The following MYO6 variants were observed in gnomAD, a reference collection of about 807,000 sequenced individuals.
MYO6 encodes unconventional myosin-VI.
A neutral mutation model predicts 178.7 loss-of-function variants in MYO6; 74 were observed. That is an observed-to-expected ratio of 0.41 (90% CI 0.34 to 0.50). The LOEUF is 0.50. MYO6 is among the 20% of genes least tolerant of loss of function. The probability of loss-of-function intolerance (pLI) is 0.09; values close to 1 mark genes in which losing one functional copy is unlikely to be tolerated. For synonymous variants in MYO6, 477 were observed against 504.6 expected, an observed-to-expected ratio of 0.95 and a Z score of 0.73; for missense variants, 1,330 against 1,547.4, an observed-to-expected ratio of 0.86 and a Z score of 2.36.
intron 16 of MYO6, among the ~76,000 whole-genome samples, chr6:75,866,275 C>CCG (rs1554212776): frequency 8.4e-6 from 1 of 119,138 alleles, no homozygotes; most frequent in Non-Finnish European, 1.9e-5. Context: ...GTCTCTGTCT[C>CCG]TGTGTGTGTG....
intron 1 of MYO6, among the ~76,000 whole-genome samples, chr6:75,792,656 T>C (rs1768365648): frequency 6.6e-6 from 1 of 152,190 alleles, no homozygotes; most frequent in South Asian, 2.1e-4. Flanking sequence ...GGGTATAATA[T>C]GTGAGGAATG....
At chr6:75,905,584 C>T (rs538186660) in intron 30 of MYO6, among the ~76,000 whole-genome samples, 19 of 152,334 alleles carry the variant, frequency 1.2e-4, no homozygotes, top group East Asian at 1.2e-3. Flanking sequence ...GGCTGGCACA[C>T]GGTGCGCGCA....
Position 75,857,063 on chromosome 6 carries a change from A to G in MYO6, c.1224-34A>G, listed in dbSNP as rs1318468078. ...TGGCATTTTCACAGTGCACTATTAT[A>G]AAGAATTTTTACTAGCATAGTTTTC... On this transcript the variant is annotated intron_variant, in intron 12 of 34. Coordinates refer to ENST00000369977, the MANE Select transcript of MYO6 (RefSeq NM_004999.4). The G allele has an allele frequency of 4.3e-6, 7 of 1,609,936 alleles. No homozygotes were observed. In the South Asian group the frequency reaches 6.6e-5, roughly 15 times the overall value.
chr6:75,780,639 T>C (rs1413300960), intron 1 of MYO6, among the ~76,000 whole-genome samples: 2 of 152,128 alleles, frequency 1.3e-5, no homozygotes, highest in South Asian at 2.1e-4. Flanking sequence ...TAACTGAACA[T>C]AGAGCTATGT....
rs536435014 is a variant in MYO6, at chr6:75,853,846, G to A, written c.1079-1293G>A. On this transcript the variant is annotated intron_variant, in intron 11 of 34. Coordinates refer to ENST00000369977, the MANE Select transcript of MYO6 (RefSeq NM_004999.4). ...AAATAAATATAAAGAATAGTTAATC[G>A]TTAGTACTTTCTCTGTACCAGACAC... Among the ~76,000 whole-genome samples the A allele has an allele frequency of 4.6e-5, 7 of 152,070 alleles. No homozygotes were observed. The East Asian group carries it at 7.7e-4, about 17-fold the overall frequency.
chr6:75,790,648 G>C (rs1009849029), intron 1 of MYO6, among the ~76,000 whole-genome samples: 1 of 152,062 alleles, frequency 6.6e-6, no homozygotes, highest in Non-Finnish European at 1.5e-5. Context: ...CAATGTGTTT[G>C]GATTACAGGC....
chr6:75,774,919 G>A (rs555620465), intron 1 of MYO6, among the ~76,000 whole-genome samples: 87 of 151,674 alleles, frequency 5.7e-4, no homozygotes, highest in Admixed American at 5.4e-3. Context: ...TCAGCCTCCC[G>A]AGTAGCTGGG....
chr6:75,791,750 G>A (rs1187436101), intron 1 of MYO6, among the ~76,000 whole-genome samples: 1 of 152,196 alleles, frequency 6.6e-6, no homozygotes, highest in Non-Finnish European at 1.5e-5. Flanking sequence ...ATTTATTTGT[G>A]AACGTTTTAA....
At chr6:75,904,633 A>AT (rs984349131) in intron 30 of MYO6, among the ~76,000 whole-genome samples, 2 of 151,916 alleles carry the variant, frequency 1.3e-5, no homozygotes, top group African/African-American at 2.4e-5. Flanking sequence ...GTTCTTCTAA[A>AT]TTTTTTTCAA....
chr6:75,803,619 A>C (rs1769711813), intron 1 of MYO6, among the ~76,000 whole-genome samples: 1 of 152,154 alleles, frequency 6.6e-6, no homozygotes, highest in Non-Finnish European at 1.5e-5. Flanking sequence ...TTGAAAAAAA[A>C]ATCAAAATTA....
rs1562223279 is a variant in MYO6, at chr6:75,832,891, CATT to C, written c.442_444del (p.Ile148del). Reference sequence around the variant, plus strand: ...AGGTGCTCAAGATGAGTCAGTCTATCATTGTATCTGGAGAATCAGGAGCCGGCA... The same window carrying C: ...AGGTGCTCAAGATGAGTCAGTCTATCGTATCTGGAGAATCAGGAGCCGGCA... On this transcript the variant is annotated inframe_deletion, in exon 6 of 35. Coordinates refer to ENST00000369977, the MANE Select transcript of MYO6 (RefSeq NM_004999.4). The C allele has an allele frequency of 6.2e-7, 1 of 1,613,940 alleles. No homozygotes were observed. The highest frequency in any genetic ancestry group is 8.5e-7 in the Non-Finnish European group (1 of 1,179,986).
intron 1 of MYO6, among the ~76,000 whole-genome samples, chr6:75,776,988 G>A (rs1583038617): frequency 6.6e-6 from 1 of 152,002 alleles, no homozygotes. Flanking sequence ...CATAGTTTAC[G>A]AAACCATTTT....
At chr6:75,874,258 A>G (rs1031481743) in intron 20 of MYO6, among the ~76,000 whole-genome samples, 2 of 152,212 alleles carry the variant, frequency 1.3e-5, no homozygotes, top group Non-Finnish European at 2.9e-5. Context: ...TCACAAAACC[A>G]TAGCTATTGA....
At position 75,864,248 on chromosome 6, in the gene MYO6, G is replaced by T. The variant is rs533197030; in HGVS notation, c.1674+1525G>T. On this transcript the variant is annotated intron_variant, in intron 16 of 34. Coordinates refer to ENST00000369977, the MANE Select transcript of MYO6 (RefSeq NM_004999.4). ...ATGAATCCAGAAACTTAAGTGAATG[G>T]TAACAAGTAGTTTTGTTTCTATTCA... 1.3e-4 allele frequency among the ~76,000 whole-genome samples: 20 copies of T among 152,280 alleles called. No homozygotes were observed. The East Asian group carries it at 3.9e-3, about 29-fold the overall frequency.
chr6:75,889,543 G>C (rs1384271147), intron 25 of MYO6, among the ~76,000 whole-genome samples: 10 of 152,238 alleles, frequency 6.6e-5, no homozygotes, highest in Middle Eastern at 3.4e-3. Flanking sequence ...GAGTAGCTGG[G>C]ACTACAGGTG....
At chr6:75,823,733 G>C (rs963046634) in intron 3 of MYO6, among the ~76,000 whole-genome samples, 1 of 152,356 alleles carries the variant, frequency 6.6e-6, no homozygotes, top group South Asian at 2.1e-4. Flanking sequence ...TAACTGTAGA[G>C]TTAGGCAAGC....
chr6:75,874,571 G>A (rs1385372342), intron 20 of MYO6, among the ~76,000 whole-genome samples: 3 of 152,170 alleles, frequency 2.0e-5, no homozygotes, highest in African/African-American at 7.2e-5. Flanking sequence ...GAAAGTAGGG[G>A]TTGCCTCTCT....
chr6:75,873,068 C>T (rs1427107493), intron 19 of MYO6, 139 bp from the exon 20 acceptor site: 3 of 726,794 alleles, frequency 4.1e-6, no homozygotes, highest in African/African-American at 1.7e-5. Flanking sequence ...CCACTGCTCC[C>T]AGCCTTGAGT....
Position 75,835,969 on chromosome 6 carries a change from T to A in MYO6, c.553+13T>A, listed in dbSNP as rs369806112. 232 of 1,580,166 alleles carry A rather than the reference T, an allele frequency of 1.5e-4. No homozygotes were observed. The highest frequency in any genetic ancestry group is 1.9e-4 in the Non-Finnish European group (224 of 1,149,098). ...AGAATTGTTGAAGGTATTGCTAATT[T>A]TTCAGTTGTTACGCGTGTACTGAAA... On this transcript the variant is annotated intron_variant, in intron 7 of 34. Coordinates refer to ENST00000369977, the MANE Select transcript of MYO6 (RefSeq NM_004999.4).
Sources: gnomAD v4.1 joint callset for allele counts (sites outside exome capture counted in the v4.1 genomes callset) on GRCh38, gnomAD v4.1.1 for gene constraint, MANE v1.5 for transcripts, NCBI Gene and HGNC (gene_info 2026-07-23, HGNC 2026-07-21) for gene names.